The following KREMEN1 variants were observed in gnomAD, a reference collection of about 807,000 sequenced individuals.
The protein encoded by KREMEN1 is kringle containing transmembrane protein 1.
Under a neutral mutation model 46.5 loss-of-function variants are expected in KREMEN1, and 30 were observed. That is an observed-to-expected ratio of 0.65 (90% CI 0.48 to 0.88). The LOEUF (loss-of-function observed/expected upper bound fraction) is 0.88. KREMEN1 is among the 40% of genes least tolerant of loss of function. KREMEN1 has a pLI of 0.00. For missense variants in KREMEN1, 533 were observed against 596.9 expected, an observed-to-expected ratio of 0.89 and a Z score of 1.11; for synonymous variants, 214 against 230.6, an observed-to-expected ratio of 0.93 and a Z score of 0.65.
At chr22:29,163,068 C>T (rs1021871087) in intron 9 of KREMEN1, among the ~76,000 whole-genome samples, 5 of 152,066 alleles carry the variant, frequency 3.3e-5, no homozygotes, top group Admixed American at 1.3e-4. Flanking sequence ...AATCGTAATC[C>T]CTGCTTGCCA....
chr22:29,075,447 G>T (rs2037551564), intron 1 of KREMEN1, among the ~76,000 whole-genome samples: 1 of 152,020 alleles, frequency 6.6e-6, no homozygotes, highest in Admixed American at 6.6e-5. Context: ...CCCAAATTTT[G>T]GTGTACTTTT....
intron 4 of KREMEN1, among the ~76,000 whole-genome samples, chr22:29,122,286 G>A (rs1259824762): frequency 6.6e-6 from 1 of 152,224 alleles, no homozygotes; most frequent in East Asian, 1.9e-4. Flanking sequence ...ACTTCAGGAT[G>A]TCTGAAGTTA....
At chr22:29,157,479 A>G (rs2038973542) in intron 9 of KREMEN1, among the ~76,000 whole-genome samples, 1 of 152,250 alleles carries the variant, frequency 6.6e-6, no homozygotes, top group Non-Finnish European at 1.5e-5. Flanking sequence ...CTGGGATTAC[A>G]GGCATGTGCC....
intron 5 of KREMEN1, among the ~76,000 whole-genome samples, chr22:29,131,089 A>C (rs529728184): frequency 2.6e-5 from 4 of 152,160 alleles, no homozygotes; most frequent in African/African-American, 9.7e-5. Context: ...AGAATACCCA[A>C]CACTTACTGA....
chr22:29,131,556 ATATATGTGTGTGTGTG>A (rs1438873768), intron 5 of KREMEN1, among the ~76,000 whole-genome samples: 1 of 72,078 alleles, frequency 1.4e-5, no homozygotes, highest in African/African-American at 6.7e-5. Flanking sequence ...ATATATATAT[ATATATGTGTGTGTGTG>A]TGTGTGTGTG....
chr22:29,159,518 C>G (rs529769125), intron 9 of KREMEN1, among the ~76,000 whole-genome samples: 1 of 152,066 alleles, frequency 6.6e-6, no homozygotes, highest in Non-Finnish European at 1.5e-5. Flanking sequence ...ACTCAGGAGG[C>G]TGAGGCAGGA....
chr22:29,144,407 CAGGACTGCCACCCCAGG>C lies in KREMEN1; in HGVS notation c.*2296_*2312del. The C allele has an allele frequency of 4.1e-5, 40 of 985,854 alleles. No homozygotes were observed. The highest frequency in any genetic ancestry group is 4.8e-5 in the Non-Finnish European group (40 of 830,266). 61.1% of individuals were successfully genotyped at this position (985,854 alleles called of 1,614,324 possible). On this transcript the variant is annotated 3_prime_UTR_variant, in exon 9 of 9. Transcript: ENST00000400335. ...GCAATGTGTCACAGGCAGGCAGGGGCAGGACTGCCACCCCAGGCCCCGTGGGAGGCCTGCTGAGGGCA... is the reference window on the plus strand; with the variant it reads ...GCAATGTGTCACAGGCAGGCAGGGGCCCCCGTGGGAGGCCTGCTGAGGGCA...
intron 3 of KREMEN1, among the ~76,000 whole-genome samples, chr22:29,104,224 T>G (rs8142644): frequency 0.017 from 2,573 of 151,800 alleles, 75 homozygotes; most frequent in African/African-American, 0.059. Flanking sequence ...GTGGCGAAAT[T>G]TTGGCTCATT....
chr22:29,167,005 A>G lies in KREMEN1; in HGVS notation c.1417-39A>G, dbSNP rs1039183845. On this transcript the variant is annotated intron_variant, in intron 9 of 9. Coordinates refer to the KREMEN1 transcript ENST00000327813. ...TCTCTCCCTCCGTGCCTAGGGCTGT[A>G]CTTTCAGACACCACTCATTGTCCTT... is the stretch of plus-strand genomic sequence containing the variant. The G allele has an allele frequency of 6.1e-6, 9 of 1,479,918 alleles. No homozygotes were observed. In the African/African-American group the frequency reaches 1.1e-4, roughly 18 times the overall value. The allele number at this position is 1,479,918 out of a possible 1,614,324, so 91.7% of individuals were successfully genotyped here. A position where few individuals can be genotyped will look rare whatever the true frequency, so the allele number is the denominator to read the frequency against.
intron 3 of KREMEN1, among the ~76,000 whole-genome samples, chr22:29,105,310 C>G (rs917468975): frequency 6.9e-6 from 1 of 144,032 alleles, no homozygotes; most frequent in Non-Finnish European, 1.5e-5. Context: ...AGACCCGTTA[C>G]ATTTTTAACA....
chr22:29,101,563 C>A (rs2037976496), intron 3 of KREMEN1, among the ~76,000 whole-genome samples: 1 of 152,228 alleles, frequency 6.6e-6, no homozygotes, highest in Non-Finnish European at 1.5e-5. Context: ...AACTTGCAGT[C>A]CTGTAAGCTT....
intron 2 of KREMEN1, among the ~76,000 whole-genome samples, chr22:29,096,204 T>C (rs1355332468): frequency 2.0e-5 from 3 of 152,116 alleles, no homozygotes; most frequent in Non-Finnish European, 4.4e-5. Context: ...TTGGGAAGAG[T>C]GTTTAGGAAG....
chr22:29,076,562 T>A (rs1467696463), intron 1 of KREMEN1, among the ~76,000 whole-genome samples: 1 of 152,170 alleles, frequency 6.6e-6, no homozygotes, highest in Non-Finnish European at 1.5e-5. Flanking sequence ...ACCATTTAAA[T>A]CTTTGAGGCC....
chr22:29,143,707 A>C lies in KREMEN1; in HGVS notation c.*1595A>C. ...CAGTGAGCAGAGATCACGCCACTGC[A>C]CTCCAGCCTGGGTGACAGTGCAAGA... On this transcript the variant is annotated 3_prime_UTR_variant, in exon 9 of 9. Transcript: ENST00000400335. 3.2e-6 allele frequency: 3 copies of C among 948,652 alleles called. No individual in the cohort carries two copies. Among genetic ancestry groups the C allele is most frequent in the Non-Finnish European group, 3.8e-6 (3 of 798,204 alleles). The allele number at this position is 948,652 out of a possible 1,614,324, so 58.8% of individuals were successfully genotyped here.
chr22:29,120,917 C>T (rs902999874), intron 3 of KREMEN1, among the ~76,000 whole-genome samples: 5 of 152,084 alleles, frequency 3.3e-5, no homozygotes, highest in African/African-American at 4.8e-5. Context: ...TGAGGAAACC[C>T]ACTTGTGGAA....
At chr22:29,160,155 G>C (rs1455295962) in intron 9 of KREMEN1, among the ~76,000 whole-genome samples, 1 of 152,106 alleles carries the variant, frequency 6.6e-6, no homozygotes, top group South Asian at 2.1e-4. Flanking sequence ...CTCAGCCATA[G>C]AGCAAGTCTC....
intron 1 of KREMEN1, among the ~76,000 whole-genome samples, chr22:29,081,144 C>G (rs934665496): frequency 1.3e-5 from 2 of 151,960 alleles, no homozygotes; most frequent in African/African-American, 4.8e-5. Context: ...CCCCACTCCC[C>G]CCGTCCTTCT....
intron 9 of KREMEN1, among the ~76,000 whole-genome samples, chr22:29,161,432 G>A (rs34560870): frequency 0.032 from 4,604 of 145,186 alleles, 103 homozygotes; most frequent in African/African-American, 0.06. Context: ...GCGTGAACCC[G>A]GGAGGCAGAG....
downstream of KREMEN1, among the ~76,000 whole-genome samples, chr22:29,150,698 A>ACC (rs1372139644): frequency 3.9e-5 from 6 of 152,218 alleles, no homozygotes; most frequent in Non-Finnish European, 5.9e-5. Flanking sequence ...TCAGCCAAAC[A>ACC]CAGGCGCAGC....
Sources: allele counts gnomAD v4.1 joint callset (sites outside exome capture counted in the v4.1 genomes callset), GRCh38; gene constraint gnomAD v4.1.1; transcripts MANE v1.5; gene names NCBI Gene and HGNC (gene_info 2026-07-23, HGNC 2026-07-21).